The following NICOL1 variants were observed in gnomAD, a reference collection of about 807,000 sequenced individuals.
The protein encoded by NICOL1 is NELL2 interacting cell ontogeny regulator 1.
the NICOL1 span, chr4:2,042,800 G>A: frequency 6.6e-7 from 1 of 1,514,678 alleles, no homozygotes; most frequent in Non-Finnish European, 8.8e-7. Flanking sequence ...ACCTGCGGAA[G>A]ACAGCCTGCA....
chr4:2,042,948 C>T, the NICOL1 span: 6 of 617,468 alleles, frequency 9.7e-6, no homozygotes, highest in African/African-American at 9.8e-5. Flanking sequence ...TTTAAGATGC[C>T]GCACCTTGCC....
chr4:2,041,064 G>A, the NICOL1 span, among the ~76,000 whole-genome samples: 1 of 151,236 alleles, frequency 6.6e-6, no homozygotes, highest in Non-Finnish European at 1.5e-5. Context: ...AGGTAGGGGT[G>A]CGGCTCCGCC....
At chr4:2,043,645 C>T in the NICOL1 span, among the ~76,000 whole-genome samples, 11 of 152,254 alleles carry the variant, frequency 7.2e-5, no homozygotes, top group Non-Finnish European at 1.0e-4. Flanking sequence ...GCTGGCATGG[C>T]GTGGGCACCA....
At chr4:2,041,263 C>T in the NICOL1 span, among the ~76,000 whole-genome samples, 6 of 152,196 alleles carry the variant, frequency 3.9e-5, no homozygotes, top group East Asian at 1.2e-3. Flanking sequence ...GGGACCATCC[C>T]TCCCAGGGCG....
At chr4:2,042,398 CGCCGCT>C in the NICOL1 span, 37 of 503,320 alleles carry the variant, frequency 7.4e-5, no homozygotes, top group South Asian at 2.0e-4. Context: ...CCGCCGCCGC[CGCCGCT>C]GCTGCTGCTG....
At chr4:2,043,195 CTG>C in the NICOL1 span, among the ~76,000 whole-genome samples, 1 of 152,148 alleles carries the variant, frequency 6.6e-6, no homozygotes, top group Admixed American at 6.5e-5. Context: ...AGAGGAGAAA[CTG>C]AGGCCGGAGG....
chr4:2,040,109 T>C, the NICOL1 span, among the ~76,000 whole-genome samples: 1 of 152,126 alleles, frequency 6.6e-6, no homozygotes, highest in Non-Finnish European at 1.5e-5. Flanking sequence ...AATATACATA[T>C]ATATATATAT....
the NICOL1 span, chr4:2,043,855 T>C: frequency 1.6e-5 from 25 of 1,548,928 alleles, no homozygotes; most frequent in African/African-American, 2.3e-4. Context: ...TCTTGTTGCT[T>C]TGCAGACGGA....
the NICOL1 span, chr4:2,042,233 C>T: frequency 8.8e-7 from 1 of 1,130,016 alleles, no homozygotes; most frequent in African/African-American, 1.7e-5. Context: ...AGGCCTGGGG[C>T]TTGGACAAGG....
the NICOL1 span, chr4:2,042,213 C>A: frequency 1.5e-6 from 2 of 1,360,668 alleles, no homozygotes; most frequent in South Asian, 1.6e-5. Context: ...TGGGTGGGTC[C>A]AGGGCTCCCA....
At chr4:2,038,100 T>C in the NICOL1 span, among the ~76,000 whole-genome samples, 1 of 150,982 alleles carries the variant, frequency 6.6e-6, no homozygotes, top group African/African-American at 2.4e-5. Context: ...TTTCCAAACA[T>C]ATGGAAGTTT....
At chr4:2,038,238 T>TGC in the NICOL1 span, among the ~76,000 whole-genome samples, 2 of 7,572 alleles carry the variant, frequency 2.6e-4, no homozygotes, top group African/African-American at 1.1e-3. Flanking sequence ...GATCAGTGTG[T>TGC]ATATATATAT....
chr4:2,038,798 G>A, the NICOL1 span, among the ~76,000 whole-genome samples: 4 of 152,178 alleles, frequency 2.6e-5, no homozygotes, highest in East Asian at 3.9e-4. Flanking sequence ...TGTCAATGCC[G>A]CTTTCAATAT....
the NICOL1 span, among the ~76,000 whole-genome samples, chr4:2,043,168 C>T: frequency 5.3e-5 from 8 of 152,140 alleles, no homozygotes; most frequent in African/African-American, 1.7e-4. Context: ...CCTAGGTGGG[C>T]GGCAAGGCCC....
the NICOL1 span, chr4:2,042,902 C>A: frequency 1.0e-6 from 1 of 981,772 alleles, no homozygotes; most frequent in South Asian, 1.7e-5. Flanking sequence ...AAGAGGCCCC[C>A]TGCGGGAGTG....
At chr4:2,039,968 T>C in the NICOL1 span, among the ~76,000 whole-genome samples, 1 of 152,100 alleles carries the variant, frequency 6.6e-6, no homozygotes, top group Admixed American at 6.5e-5. Flanking sequence ...AAAGGAATAA[T>C]TTTAAGGTTA....
chr4:2,041,945 C>T, the NICOL1 span: 3 of 1,449,924 alleles, frequency 2.1e-6, no homozygotes, highest in African/African-American at 4.5e-5. Flanking sequence ...CTCGGGTTTC[C>T]ATGACGACGA....
chr4:2,038,122 TTTG>T, the NICOL1 span, among the ~76,000 whole-genome samples: 1 of 150,302 alleles, frequency 6.7e-6, no homozygotes, highest in Non-Finnish European at 1.5e-5. Flanking sequence ...CACTTATATT[TTTG>T]TTATTATAAG....
At chr4:2,038,237 GTA>G in the NICOL1 span, among the ~76,000 whole-genome samples, 5,663 of 89,114 alleles carry the variant, frequency 0.064, 184 homozygotes, top group Non-Finnish European at 0.076. Context: ...TGATCAGTGT[GTA>G]TATATATATA....
Sources: gnomAD v4.1 joint callset for allele counts (sites outside exome capture counted in the v4.1 genomes callset) on GRCh38, gnomAD v4.1.1 for gene constraint, MANE v1.5 for transcripts, NCBI Gene and HGNC (gene_info 2026-07-23, HGNC 2026-07-21) for gene names.